Variants in FMNL2 observed in about 807,000 individuals in gnomAD.
FMNL2 encodes formin like 2.
In FMNL2, 51 loss-of-function variants were observed where a neutral mutation model predicts 130.2. The ratio of observed to expected loss-of-function variants is 0.39; its 90% CI spans 0.31 to 0.49. The LOEUF is 0.49. Among genes scored for constraint, FMNL2 ranks in the 20% least tolerant of loss-of-function variants. The pLI is 0.85. For synonymous variants in FMNL2, 465 were observed against 467.1 expected, an observed-to-expected ratio of 1.00 and a Z score of 0.06; for missense variants, 977 against 1,316.2, an observed-to-expected ratio of 0.74 and a Z score of 3.99.
intron 4 of FMNL2, among the ~76,000 whole-genome samples, chr2:152,550,913 G>A (rs1250187719): frequency 2.6e-5 from 4 of 152,028 alleles, no homozygotes; most frequent in Non-Finnish European, 2.9e-5. Flanking sequence ...TGAGGTGGGT[G>A]GATCACCTGA....
chr2:152,352,687 A>C (rs1178018392), intron 1 of FMNL2, among the ~76,000 whole-genome samples: 2 of 151,274 alleles, frequency 1.3e-5, no homozygotes, highest in Non-Finnish European at 2.9e-5. Context: ...TGAAATAGTA[A>C]AGGCCAAATA....
chr2:152,399,109 G>A (rs1685547567), intron 1 of FMNL2, among the ~76,000 whole-genome samples: 1 of 152,256 alleles, frequency 6.6e-6, no homozygotes, highest in Non-Finnish European at 1.5e-5. Context: ...AACAATCCCA[G>A]AAGCTGCCCC....
intron 1 of FMNL2, among the ~76,000 whole-genome samples, chr2:152,386,516 C>T (rs544331999): frequency 4.0e-4 from 6 of 14,858 alleles, no homozygotes; most frequent in Admixed American, 9.7e-4. Flanking sequence ...TTCATTAACT[C>T]ATTCAAACTC....
intron 1 of FMNL2, among the ~76,000 whole-genome samples, chr2:152,499,147 G>C (rs1413089269): frequency 6.6e-6 from 1 of 152,202 alleles, no homozygotes; most frequent in African/African-American, 2.4e-5. Flanking sequence ...CCTGATTGGG[G>C]AGTCAAAGTC....
chr2:152,605,209 T>C (rs1245837763), intron 9 of FMNL2, among the ~76,000 whole-genome samples: 3 of 152,140 alleles, frequency 2.0e-5, no homozygotes, highest in Admixed American at 2.0e-4. Context: ...ATAGTGCTTT[T>C]AAAATTGTGC....
At chr2:152,488,830 C>A (rs1690981668) in intron 1 of FMNL2, among the ~76,000 whole-genome samples, 1 of 152,156 alleles carries the variant, frequency 6.6e-6, no homozygotes, top group South Asian at 2.1e-4. Flanking sequence ...ATAATCCTTG[C>A]ACTTTGGGAG....
intron 9 of FMNL2, among the ~76,000 whole-genome samples, chr2:152,595,889 G>A (rs1697742549): frequency 6.6e-6 from 1 of 151,960 alleles, no homozygotes; most frequent in Non-Finnish European, 1.5e-5. Context: ...ACAGTTAGGG[G>A]CTGTTTCCAT....
chr2:152,589,803 C>T (rs2105766047), intron 9 of FMNL2, among the ~76,000 whole-genome samples: 1 of 151,736 alleles, frequency 6.6e-6, no homozygotes, highest in Admixed American at 6.6e-5. Flanking sequence ...TCTTGGTTTG[C>T]TCTTCCTGTG....
At chr2:152,620,758 C>T (rs934138032) in intron 15 of FMNL2, among the ~76,000 whole-genome samples, 10 of 152,178 alleles carry the variant, frequency 6.6e-5, no homozygotes, top group African/African-American at 2.4e-4. Context: ...GGGGCTCATT[C>T]ATCCCAATGA....
chr2:152,522,634 C>T (rs12619706), intron 2 of FMNL2, among the ~76,000 whole-genome samples: 65 of 151,936 alleles, frequency 4.3e-4, no homozygotes, highest in African/African-American at 1.6e-3. Flanking sequence ...CATAAGGGGG[C>T]GTTTCCCTGC....
chr2:152,647,998 C>G lies in FMNL2; in HGVS notation c.*93C>G. The G allele has an allele frequency of 9.5e-7, 1 of 1,057,692 alleles. No individual in the cohort carries two copies. The highest frequency in any genetic ancestry group is 1.6e-5 in the African/African-American group (1 of 62,520). The allele number at this position is 1,057,692 out of a possible 1,614,324, so 65.5% of individuals were successfully genotyped here. On this transcript the variant is annotated 3_prime_UTR_variant, in exon 26 of 26. Coordinates refer to ENST00000288670, the MANE Select transcript of FMNL2 (RefSeq NM_052905.4). ...TACGATTTAACTGCAGCCTTGAACA[C>G]ACACAAAAATATTCTTAAGGGCTCA...
At chr2:152,640,995 T>G in intron 25 of FMNL2, 81 bp downstream of exon 25, 1 of 1,582,246 alleles carries the variant, frequency 6.3e-7, no homozygotes, top group Non-Finnish European at 8.6e-7. Flanking sequence ...TTTTGCAGCT[T>G]CTTTTGTCCA....
At chr2:152,564,900 C>T (rs991941015) in intron 6 of FMNL2, among the ~76,000 whole-genome samples, 5 of 148,674 alleles carry the variant, frequency 3.4e-5, no homozygotes, top group Non-Finnish European at 3.0e-5. Flanking sequence ...ATAACATACC[C>T]CTTGAGTCAT....
rs972670580 is a variant in FMNL2 at position 152,647,655 on chromosome 2, C to A, written c.3170-141C>A. The A allele has an allele frequency of 4.0e-6, 3 of 741,046 alleles. No homozygotes were observed. In the African/African-American group the frequency reaches 5.2e-5, roughly 13 times the overall value. The allele number at this position is 741,046 out of a possible 1,614,324, so 45.9% of individuals were successfully genotyped here. A position where few individuals can be genotyped will look rare whatever the true frequency, so the allele number is the denominator to read the frequency against. ...AGGCAAATGTTTTATGTCTTTGATT[C>A]AATGCTCAGTGAGTTTGAAGGGCCC... On this transcript the variant is annotated intron_variant, in intron 25 of 25. Transcript: ENST00000288670.
At chr2:152,623,575 C>T (rs144500446) in intron 15 of FMNL2, among the ~76,000 whole-genome samples, 3 of 152,230 alleles carry the variant, frequency 2.0e-5, no homozygotes, top group East Asian at 3.9e-4. Context: ...TCTCAGTTAA[C>T]GCCAACTGAG....
chr2:152,534,941 T>C (rs1693912989), intron 2 of FMNL2, among the ~76,000 whole-genome samples: 1 of 152,186 alleles, frequency 6.6e-6, no homozygotes, highest in Admixed American at 6.5e-5. Flanking sequence ...TATTCAGAGC[T>C]GAAGAATGTT....
chr2:152,587,944 G>A (rs1267497353), intron 9 of FMNL2, among the ~76,000 whole-genome samples: 1 of 152,232 alleles, frequency 6.6e-6, no homozygotes, highest in Non-Finnish European at 1.5e-5. Flanking sequence ...CTGCAAAGAA[G>A]AGGAACAGCT....
chr2:152,549,142 CTT>C, intron 4 of FMNL2, 45 bp downstream of exon 4: 1 of 1,353,018 alleles, frequency 7.4e-7, no homozygotes, highest in Non-Finnish European at 1.0e-6. Context: ...CTTTTGGACA[CTT>C]TACAAAGTAA....
rs138863713 is a variant in FMNL2 at position 152,389,318 on chromosome 2, A to G, written c.117+53598A>G. On this transcript the variant is annotated intron_variant, in intron 1 of 25. Transcript: ENST00000288670. ...TTGGAGACAGCCATCCTTCTGCTGT[A>G]TCTTCATATAGCAGAAAGGATAAGT... 6.3e-4 allele frequency among the ~76,000 whole-genome samples: 96 copies of G among 152,326 alleles called. 1 individual carries two copies. In the East Asian group the frequency reaches 0.017, roughly 27 times the overall value.
Sources: allele counts gnomAD v4.1 joint callset (sites outside exome capture counted in the v4.1 genomes callset), GRCh38; gene constraint gnomAD v4.1.1; transcripts MANE v1.5; gene names NCBI Gene and HGNC (gene_info 2026-07-23, HGNC 2026-07-21).